Variants in ECD observed in about 807,000 individuals in gnomAD.
ECD encodes the protein ecdysoneless cell cycle regulator.
Under a neutral mutation model 77.2 loss-of-function variants are expected in ECD, and 59 were observed. That is an observed-to-expected ratio of 0.76 (90% CI 0.62 to 0.95). The LOEUF (loss-of-function observed/expected upper bound fraction) is 0.95. Ranked by LOEUF, ECD falls within the 40% of genes least tolerant of loss-of-function variation. The pLI is 0.00. For synonymous variants in ECD, 233 were observed against 267.4 expected (o/e 0.87, Z 1.26); for missense variants, 704 against 763.4 (o/e 0.92, Z 0.92).
At position 73,156,184 on chromosome 10, in the gene ECD, T is replaced by C. The variant is rs1348931922; in HGVS notation, c.590+91A>G. On this transcript the variant is annotated intron_variant, in intron 5 of 13. Coordinates refer to ENST00000372979, the MANE Select transcript of ECD (RefSeq NM_007265.3). Reference sequence around the variant, plus strand: ...AAAGACTGATCAACTCCAACAGAGCTTTAAGGAAAACAAACAAAAATCAAA... The same window carrying C: ...AAAGACTGATCAACTCCAACAGAGCCTTAAGGAAAACAAACAAAAATCAAA... The C allele has an allele frequency of 2.4e-6, 3 of 1,248,342 alleles. No individual in the cohort carries two copies. The African/African-American group carries it at 4.5e-5, about 19-fold the overall frequency. 77.3% of individuals were successfully genotyped at this position (1,248,342 alleles called of 1,614,324 possible). A position where few individuals can be genotyped will look rare whatever the true frequency, so the allele number is the denominator to read the frequency against.
Position 73,152,337 on chromosome 10 carries a change from G to A in ECD, c.868C>T (p.Pro290Ser). 6.2e-7 allele frequency: 1 copy of A among 1,613,956 alleles called. No homozygotes were observed. Among genetic ancestry groups the A allele is most frequent in the Non-Finnish European group, 8.5e-7 (1 of 1,179,886 alleles). Reference protein sequence around the residue: ...DRRSGYRLPPPSDPQYRAHEL... With the variant: ...DRRSGYRLPPSSDPQYRAHEL... ...TGGGCTCGGTACTGGGGATCAGATG[G>A]AGGAGGCAGCCTGTATCCACTCCGC... The change falls in exon 7 of 14, where the codon CCA becomes TCA. Residue 290 changes from proline (P) to serine (S), a missense_variant. Pro to Ser is a moderately conservative substitution (Grantham distance 74). Transcript: ENST00000372979.
At chr10:73,151,809 C>A (rs1314477125) in intron 7 of ECD, among the ~76,000 whole-genome samples, 5 of 152,098 alleles carry the variant, frequency 3.3e-5, no homozygotes, top group Non-Finnish European at 5.9e-5. Flanking sequence ...GAGAAGTCAG[C>A]TCTTTTTCAT....
intron 12 of ECD, among the ~76,000 whole-genome samples, chr10:73,137,434 G>C (rs956537860): frequency 3.3e-5 from 5 of 151,978 alleles, no homozygotes; most frequent in African/African-American, 4.8e-5. Flanking sequence ...TATAATATGG[G>C]AGCCAAGGTA....
intron 13 of ECD, among the ~76,000 whole-genome samples, chr10:73,136,339 A>G (rs1013874438): frequency 6.6e-6 from 1 of 152,220 alleles, no homozygotes; most frequent in Non-Finnish European, 1.5e-5. Context: ...GCATAGTCTC[A>G]AAAGGTCTTG....
At position 73,139,410 on chromosome 10, in the gene ECD, G is replaced by A. The variant is rs34865820; in HGVS notation, c.1320C>T (p.Ser440=). 3.0e-3 allele frequency: 4,844 copies of A among 1,614,050 alleles called. 123 individuals carry two copies. The African/African-American group carries it at 0.057, about 19-fold the overall frequency. The change falls in exon 11 of 14, where the codon TCC becomes TCT. Residue 440 remains serine (S), a synonymous_variant. Transcript: ENST00000372979. ...AVGKKESESV[S]KEEKEQNYDL... ...CATAGTTCTGCTCCTTCTCCTCCTTGGAAACAGACTCGGATTCTTTTTTGC... is the reference window on the plus strand; with the variant it reads ...CATAGTTCTGCTCCTTCTCCTCCTTAGAAACAGACTCGGATTCTTTTTTGC...
In ECD at chr10:73,134,763, A is replaced by AC. The variant is rs867221015; in HGVS notation, c.1754dup (p.Thr586TyrfsTer24). The AC allele has an allele frequency of 6.2e-7, 1 of 1,614,078 alleles. No homozygotes were observed. The highest frequency in any genetic ancestry group is 1.3e-5 in the African/African-American group (1 of 74,924). On this transcript the variant is annotated frameshift_variant, in exon 14 of 14. Coordinates refer to ENST00000372979, the MANE Select transcript of ECD (RefSeq NM_007265.3). LOFTEE classifies it high-confidence loss of function. Reference sequence around the variant, plus strand: ...CTGGTGCCATAACAGATTCTCCCGTACCAGAATCTTCCTCATCTGAATTGT... The same window carrying AC: ...CTGGTGCCATAACAGATTCTCCCGTACCCAGAATCTTCCTCATCTGAATTGT...
intron 9 of ECD, among the ~76,000 whole-genome samples, chr10:73,143,739 G>A (rs1237915151): frequency 1.4e-5 from 2 of 147,332 alleles, no homozygotes; most frequent in African/African-American, 5.0e-5. Context: ...ATTGACTATA[G>A]TCACCCTGTT....
At position 73,154,284 on chromosome 10, in the gene ECD, A is replaced by ATT. The variant is rs763231603; in HGVS notation, c.754_755insAA (p.Phe252Ter). Residue 252 changes from phenylalanine (F) to a stop codon, truncating the protein, a stop_gained and frameshift_variant, in exon 6 of 14, where the codon TTC becomes TAATC. Transcript: ENST00000372979. LOFTEE classifies it high-confidence loss of function. ...TGTCATTATTCGTGTTTCAGGCAAG[A>ATT]ATGTCTTGAAAACACGACAAGCTCG... is the stretch of plus-strand genomic sequence containing the variant. ...DLRACRVFKTFLPETRIMTSV... is the reference protein window; with the variant it reads ...DLRACRVFKT The ATT allele has an allele frequency of 4.3e-6, 7 of 1,609,930 alleles. No homozygotes were observed. Among genetic ancestry groups the ATT allele is most frequent in the Non-Finnish European group, 5.9e-6 (7 of 1,178,492 alleles).
rs1842980105 is a variant in ECD at position 73,136,901 on chromosome 10, A to T, written c.1507T>A (p.Ser503Thr). The T allele has an allele frequency of 6.2e-7, 1 of 1,613,392 alleles. No individual in the cohort carries two copies. Among genetic ancestry groups the T allele is most frequent in the African/African-American group, 1.3e-5 (1 of 74,886 alleles). The change falls in exon 13 of 14, where the codon TCA becomes ACA. Residue 503 changes from serine (S) to threonine (T), a missense_variant. Transcript: ENST00000372979. ...DKILGPRPNE[S>T]DSDDLDDEDF... is the part of the protein sequence containing the mutation. ...TCATCATCCAGATCATCAGAATCTGACTCATTAGGCCTTGGCCCTACACAG... is the reference window on the plus strand; with the variant it reads ...TCATCATCCAGATCATCAGAATCTGTCTCATTAGGCCTTGGCCCTACACAG...
chr10:73,134,386 CA>C lies in ECD; in HGVS notation c.*196del, dbSNP rs1842954145. 6.9e-6 allele frequency: 4 copies of C among 582,548 alleles called. No homozygotes were observed. Among genetic ancestry groups the C allele is most frequent in the Non-Finnish European group, 1.2e-5 (4 of 332,504 alleles). 36.1% of individuals were successfully genotyped at this position (582,548 alleles called of 1,614,324 possible). ...GGGCTAGATTCTACCCTGCCGAGTT[CA>C]AAACCTGTGTATAACCCACAGCTGA... On this transcript the variant is annotated 3_prime_UTR_variant, in exon 14 of 14. Transcript: ENST00000372979.
At chr10:73,140,834 GTCTC>G (rs1288459375) in intron 9 of ECD, among the ~76,000 whole-genome samples, 13 of 151,386 alleles carry the variant, frequency 8.6e-5, no homozygotes, top group African/African-American at 2.9e-4. Flanking sequence ...CAGAGACAGG[GTCTC>G]TCTCTATATA....
intron 9 of ECD, 38 bp from the exon 10 acceptor site, chr10:73,139,775 A>G: frequency 7.3e-7 from 1 of 1,371,834 alleles, no homozygotes; most frequent in African/African-American, 1.4e-5. Context: ...TCTTCATAAG[A>G]GAACATAGAA....
intron 5 of ECD, among the ~76,000 whole-genome samples, chr10:73,155,356 G>A (rs528833567): frequency 1.4e-4 from 22 of 151,998 alleles, no homozygotes; most frequent in South Asian, 4.2e-4. Flanking sequence ...GTGAGCCACC[G>A]CGCCCGGCCA....
intron 3 of ECD, 36 bp from the exon 4 acceptor site, chr10:73,156,691 A>T (rs747411898): frequency 7.6e-6 from 12 of 1,571,768 alleles, no homozygotes; most frequent in Non-Finnish European, 9.6e-6. Context: ...GCATTCAAAA[A>T]GCATATATCT....
intron 12 of ECD, among the ~76,000 whole-genome samples, chr10:73,137,499 G>C (rs917679340): frequency 6.6e-6 from 1 of 152,140 alleles, no homozygotes; most frequent in African/African-American, 2.4e-5. Flanking sequence ...AATGAGGCCG[G>C]GCACGGTGGC....
chr10:73,164,021 G>T, intron 1 of ECD, 71 bp from the exon 2 acceptor site: 9 of 1,332,548 alleles, frequency 6.8e-6, no homozygotes, highest in Non-Finnish European at 9.5e-6. Flanking sequence ...CTTTTAGATG[G>T]TTCTATGAAC....
chr10:73,162,847 C>G (rs993037178), intron 2 of ECD, among the ~76,000 whole-genome samples: 2 of 152,314 alleles, frequency 1.3e-5, no homozygotes, highest in Middle Eastern at 3.4e-3. Flanking sequence ...CTTCAAAGGC[C>G]AGCTGGCAAG....
intron 9 of ECD, among the ~76,000 whole-genome samples, chr10:73,140,283 T>C (rs2133249797): frequency 6.6e-6 from 1 of 150,934 alleles, no homozygotes; most frequent in Non-Finnish European, 1.5e-5. Context: ...GCACCCAGCC[T>C]TCTAATTTGT....
chr10:73,148,749 C>A (rs1043306219), intron 7 of ECD, among the ~76,000 whole-genome samples: 1 of 152,048 alleles, frequency 6.6e-6, no homozygotes, highest in African/African-American at 2.4e-5. Flanking sequence ...TCTTGTCCAA[C>A]AGAAATTATA....
Sources: allele counts gnomAD v4.1 joint callset (sites outside exome capture counted in the v4.1 genomes callset), GRCh38; gene constraint gnomAD v4.1.1; transcripts MANE v1.5; gene names NCBI Gene and HGNC (gene_info 2026-07-23, HGNC 2026-07-21).